The following FAM193A variants were observed in gnomAD, a reference collection of about 807,000 sequenced individuals.
FAM193A encodes family with sequence similarity 193 member A.
FAM193A carries 22 observed loss-of-function variants against 126.5 expected under a neutral mutation model. The observed-to-expected ratio is 0.17, with a 90% CI of 0.12 to 0.25. The LOEUF (loss-of-function observed/expected upper bound fraction) is 0.25. Ranked by LOEUF, FAM193A falls within the 10% of genes least tolerant of loss-of-function variation. The pLI is 1.00. For missense variants in FAM193A, 1,675 were observed against 1,672.8 expected (o/e 1.00, Z -0.02); for synonymous variants, 761 against 646.8 (o/e 1.18, Z -2.68).
At chr4:2,657,314 G>A (rs977638506) in intron 7 of FAM193A, among the ~76,000 whole-genome samples, 2 of 151,910 alleles carry the variant, frequency 1.3e-5, no homozygotes, top group African/African-American at 2.4e-5. Context: ...ATGCTTCTCT[G>A]TTTCCTCAGT....
At chr4:2,622,362 C>T (rs896427318) in intron 2 of FAM193A, among the ~76,000 whole-genome samples, 4 of 150,208 alleles carry the variant, frequency 2.7e-5, no homozygotes, top group East Asian at 2.0e-4. Context: ...GGGCAGAGGG[C>T]GGTGGTGTAT....
chr4:2,625,173 A>T (rs1235270516), intron 2 of FAM193A, 89 bp from the exon 3 acceptor site: 2 of 597,996 alleles, frequency 3.3e-6, no homozygotes, highest in Non-Finnish European at 6.0e-6. Flanking sequence ...ACAGTTTTTT[A>T]AAAGGCATTT....
At chr4:2,699,073 C>A (rs1270120935) in intron 18 of FAM193A, among the ~76,000 whole-genome samples, 2 of 152,126 alleles carry the variant, frequency 1.3e-5, no homozygotes, top group East Asian at 3.9e-4. Flanking sequence ...AATTTTGATA[C>A]TTTTTGTAGA....
rs145074285 is a variant in FAM193A, at chr4:2,578,892, C to T, written c.256-17192C>T. Among the ~76,000 whole-genome samples the T allele has an allele frequency of 7.6e-4, 115 of 150,574 alleles. No homozygotes were observed. The East Asian group carries it at 0.018, about 23-fold the overall frequency. On this transcript the variant is annotated intron_variant, in intron 1 of 20. Transcript: ENST00000637812. ...AGAGAGGAGGAGGAGGAGGAGGAGGCGGAAGAGGAGAGGTTGGTCTTGCTG... is the reference window on the plus strand; with the variant it reads ...AGAGAGGAGGAGGAGGAGGAGGAGGTGGAAGAGGAGAGGTTGGTCTTGCTG...
At chr4:2,650,640 C>T (rs1340441730) in intron 7 of FAM193A, among the ~76,000 whole-genome samples, 1 of 152,142 alleles carries the variant, frequency 6.6e-6, no homozygotes, top group Admixed American at 6.5e-5. Flanking sequence ...GTGAAAGGCT[C>T]CTTAATCCAA....
intron 1 of FAM193A, among the ~76,000 whole-genome samples, chr4:2,578,261 T>G (rs1739721109): frequency 6.6e-6 from 1 of 152,150 alleles, no homozygotes; most frequent in Non-Finnish European, 1.5e-5. Flanking sequence ...CTTATAATAT[T>G]TTTCTGATTT....
At position 2,699,996 on chromosome 4, in the gene FAM193A, A is replaced by T. The variant is rs754668362; in HGVS notation, c.3824A>T (p.His1275Leu). Residue 1275 changes from histidine to leucine, a missense_variant, in exon 19 of 21, where the codon CAC (histidine) becomes CTC (leucine). Coordinates refer to ENST00000637812, the MANE Select transcript of FAM193A (RefSeq NM_001366318.2). The stretch of plus-strand genomic sequence containing the variant: ...ACTGAAGAACCAGAAACCTCTTCTC[A>T]CTCCCCATCCAGGCATATGAACCAC... ...EQTEEPETSSHSPSRHMNHSE... is the reference protein window; with the variant it reads ...EQTEEPETSSLSPSRHMNHSE... 1.2e-6 allele frequency: 2 copies of T among 1,613,266 alleles called. No individual in the cohort carries two copies. The highest frequency in any genetic ancestry group is 3.3e-5 in the Admixed American group (2 of 59,908).
At chr4:2,580,900 C>T (rs547556914) in intron 1 of FAM193A, among the ~76,000 whole-genome samples, 8 of 152,262 alleles carry the variant, frequency 5.3e-5, no homozygotes, top group East Asian at 3.9e-4. Flanking sequence ...GAGGCCGAGG[C>T]GGGCAGATCA....
At chr4:2,609,288 G>A (rs1237364843) in intron 2 of FAM193A, among the ~76,000 whole-genome samples, 1 of 152,078 alleles carries the variant, frequency 6.6e-6, no homozygotes, top group Non-Finnish European at 1.5e-5. Flanking sequence ...TTTAACATTT[G>A]CATATGTTTA....
intron 19 of FAM193A, among the ~76,000 whole-genome samples, chr4:2,703,855 C>T (rs1373481383): frequency 6.6e-6 from 1 of 151,306 alleles, no homozygotes. Context: ...GCCTGTAGTC[C>T]CAGCTACTTG....
At chr4:2,587,348 C>T (rs1013313365) in intron 1 of FAM193A, among the ~76,000 whole-genome samples, 2 of 152,154 alleles carry the variant, frequency 1.3e-5, no homozygotes, top group African/African-American at 4.8e-5. Context: ...AAAGACAGCA[C>T]CAAGCCATTC....
intron 2 of FAM193A, among the ~76,000 whole-genome samples, chr4:2,624,661 G>A (rs998605289): frequency 1.3e-5 from 2 of 152,234 alleles, no homozygotes; most frequent in East Asian, 1.9e-4. Flanking sequence ...GACAGTGGGA[G>A]TAAAACTGTT....
intron 20 of FAM193A, among the ~76,000 whole-genome samples, chr4:2,719,201 C>T (rs1560613042): frequency 2.0e-5 from 3 of 152,040 alleles, no homozygotes; most frequent in African/African-American, 7.2e-5. Flanking sequence ...AAAATATTCT[C>T]CAGGAGGCTG....
At chr4:2,554,627 G>T (rs1290394803) in intron 1 of FAM193A, among the ~76,000 whole-genome samples, 2 of 152,032 alleles carry the variant, frequency 1.3e-5, no homozygotes, top group Non-Finnish European at 2.9e-5. Flanking sequence ...CTGTATTCTT[G>T]CTGAGTTTTT....
chr4:2,639,457 C>T (rs1744395324), intron 5 of FAM193A, among the ~76,000 whole-genome samples: 1 of 152,108 alleles, frequency 6.6e-6, no homozygotes, highest in Non-Finnish European at 1.5e-5. Flanking sequence ...TGTCTCTGTG[C>T]ACACCTGTCA....
intron 1 of FAM193A, among the ~76,000 whole-genome samples, chr4:2,593,541 T>C (rs895437504): frequency 6.6e-6 from 1 of 152,232 alleles, no homozygotes; most frequent in Admixed American, 6.5e-5. Flanking sequence ...ATTTGTCTTA[T>C]TTATTGCCTT....
intron 7 of FAM193A, among the ~76,000 whole-genome samples, chr4:2,655,913 A>G (rs1001811880): frequency 6.6e-6 from 1 of 152,186 alleles, no homozygotes; most frequent in African/African-American, 2.4e-5. Context: ...TTGGTGACAG[A>G]GCAAGAGACC....
chr4:2,555,444 A>G (rs1223940080), intron 1 of FAM193A, among the ~76,000 whole-genome samples: 1 of 152,176 alleles, frequency 6.6e-6, no homozygotes, highest in African/African-American at 2.4e-5. Flanking sequence ...AATTCTAGAT[A>G]ATATTGGGGT....
intron 1 of FAM193A, among the ~76,000 whole-genome samples, chr4:2,561,497 C>CTTTT (rs34320054): frequency 8.5e-6 from 1 of 117,542 alleles, no homozygotes; most frequent in Non-Finnish European, 1.7e-5. Flanking sequence ...GTAGAGATTT[C>CTTTT]TTTTTTTTTT....
Sources: gnomAD v4.1 joint callset for allele counts (sites outside exome capture counted in the v4.1 genomes callset) on GRCh38, gnomAD v4.1.1 for gene constraint, MANE v1.5 for transcripts, NCBI Gene and HGNC (gene_info 2026-07-23, HGNC 2026-07-21) for gene names.